C10orf105: variants seen among roughly 807,000 people sequenced by gnomAD.
C10orf105 encodes the protein uncharacterized protein C10orf105.
A neutral mutation model predicts 0.6 loss-of-function variants in C10orf105; 2 were observed. The observed-to-expected ratio is 3.18, with a 90% CI of 1.30 to 10.01. The LOEUF is 10.01. Ranked by LOEUF, C10orf105 falls within the 30% of genes most tolerant of loss-of-function variation. The probability of loss-of-function intolerance (pLI) is 0.04; values close to 1 mark genes in which losing one functional copy is unlikely to be tolerated. For missense variants in C10orf105, 209 were observed against 191.4 expected (o/e 1.09, Z -0.54); for synonymous variants, 95 against 82.4 (o/e 1.15, Z -0.83).
chr10:71,716,624 A>G, intron 1 of C10orf105: 3 of 349,706 alleles, frequency 8.6e-6, no homozygotes, highest in Non-Finnish European at 1.6e-5. Flanking sequence ...GCCTGTCCGC[A>G]TTTTCAAATC....
chr10:71,723,805 G>C (rs922983011), upstream of C10orf105, among the ~76,000 whole-genome samples: 1 of 152,176 alleles, frequency 6.6e-6, no homozygotes, highest in Non-Finnish European at 1.5e-5. Flanking sequence ...ACCTGGAGGA[G>C]GATCGGGGCA....
Position 71,713,509 on chromosome 10 carries a change from T to G in C10orf105, c.*2427A>C. ...TGGGAGGGACAGAAGCGTGGGAGGC[T>G]GGCAATGCTCCCCTCCCTGCATCGG... is the stretch of plus-strand genomic sequence containing the variant. On this transcript the variant is annotated 3_prime_UTR_variant, in exon 2 of 2. Transcript: ENST00000441508. The G allele has an allele frequency of 1.8e-6, 1 of 540,964 alleles. No homozygotes were observed. The highest frequency in any genetic ancestry group is 3.3e-6 in the Non-Finnish European group (1 of 302,692). 33.5% of individuals were successfully genotyped at this position (540,964 alleles called of 1,614,324 possible). A position where few individuals can be genotyped will look rare whatever the true frequency, so the allele number is the denominator to read the frequency against.
At chr10:71,728,698 A>G (rs1866922532) in intron 1 of C10orf105, among the ~76,000 whole-genome samples, 3 of 151,972 alleles carry the variant, frequency 2.0e-5, no homozygotes, top group Admixed American at 1.3e-4. Flanking sequence ...GCAAGTTCCT[A>G]CCGGCCCCAG....
At chr10:71,728,954 C>G (rs1172608665) in intron 1 of C10orf105, among the ~76,000 whole-genome samples, 1 of 152,160 alleles carries the variant, frequency 6.6e-6, no homozygotes, top group Admixed American at 6.5e-5. Context: ...CCTCCGCCTC[C>G]CTAGTAGCTG....
At chr10:71,718,365 C>A (rs896264889) in intron 1 of C10orf105, among the ~76,000 whole-genome samples, 7 of 138,380 alleles carry the variant, frequency 5.1e-5, no homozygotes, top group African/African-American at 1.8e-4. Flanking sequence ...CCCACCCATT[C>A]CCCACCACCA....
Position 71,715,062 on chromosome 10 carries a change from G to A in C10orf105, c.*874C>T, listed in dbSNP as rs1355834428. 1.3e-5 allele frequency: 2 copies of A among 152,266 alleles called. No individual in the cohort carries two copies. 9.4% of individuals were successfully genotyped at this position (152,266 alleles called of 1,614,324 possible). On this transcript the variant is annotated 3_prime_UTR_variant, in exon 2 of 2. Transcript: ENST00000441508. ...GGGACCCCACAGCTGTCCTGGAGAG[G>A]TCCAGACCATCCCACCCTCGGGGAG...
At chr10:71,732,035 A>C in intron 1 of C10orf105, 1 of 1,613,998 alleles carries the variant, frequency 6.2e-7, no homozygotes, top group African/African-American at 1.3e-5. Flanking sequence ...GCAGAGGGGA[A>C]GTTTGAGATT....
At position 71,712,968 on chromosome 10, in the gene C10orf105, A is replaced by C. The variant is rs1866043530; in HGVS notation, c.*2968T>G. 1.1e-6 allele frequency: 1 copy of C among 902,662 alleles called. No individual in the cohort carries two copies. Among genetic ancestry groups the C allele is most frequent in the East Asian group, 2.6e-5 (1 of 38,002 alleles). The allele number at this position is 902,662 out of a possible 1,614,324, so 55.9% of individuals were successfully genotyped here. On this transcript the variant is annotated 3_prime_UTR_variant, in exon 2 of 2. Transcript: ENST00000441508. ...TGGAAGGTGCTGTGGGGAAAGGGGG[A>C]CCCAGGCCCTCTCCCATCCCAGGGA... is the stretch of plus-strand genomic sequence containing the variant.
chr10:71,729,423 C>T (rs1014342131), intron 1 of C10orf105, among the ~76,000 whole-genome samples: 1 of 152,210 alleles, frequency 6.6e-6, no homozygotes, highest in Non-Finnish European at 1.5e-5. Context: ...CCAGGGAGCC[C>T]TAAAGCGTCC....
At chr10:71,733,469 C>T (rs530149737) in intron 1 of C10orf105, among the ~76,000 whole-genome samples, 3 of 152,282 alleles carry the variant, frequency 2.0e-5, no homozygotes, top group Admixed American at 6.5e-5. Flanking sequence ...CTGGCTTGGT[C>T]TTTCTGGTGA....
chr10:71,712,859 C>T lies in C10orf105; in HGVS notation c.*3077G>A, dbSNP rs759437235. ...GGGGCAGGTGGTGGGCTGGGGGAGG[C>T]GGAGCCACACACGGCCCTGAGGGCA... On this transcript the variant is annotated 3_prime_UTR_variant, in exon 2 of 2. Transcript: ENST00000441508. The T allele has an allele frequency of 2.3e-5, 36 of 1,591,630 alleles. No homozygotes were observed. The highest frequency in any genetic ancestry group is 5.3e-5 in the Admixed American group (3 of 56,682).
chr10:71,716,205 T>C lies in C10orf105; in HGVS notation c.133A>G (p.Ile45Val). Reference sequence around the variant, plus strand: ...AGACAGGTGGCCAGCAGGAGGAAGATGCAGGCCAGGGCGATGAGCATGGGG... The same window carrying C: ...AGACAGGTGGCCAGCAGGAGGAAGACGCAGGCCAGGGCGATGAGCATGGGG... ...PLPMLIALAC[I>V]FLLLATCLLF... Residue 45 changes from isoleucine (I) to valine (V), a missense_variant, in exon 2 of 2, where the codon ATC (isoleucine) becomes GTC (valine). Coordinates refer to ENST00000441508, the MANE Select transcript of C10orf105 (RefSeq NM_001164375.3). 4 of 1,551,104 alleles carry C rather than the reference T, an allele frequency of 2.6e-6. No homozygotes were observed. The highest frequency in any genetic ancestry group is 3.5e-6 in the Non-Finnish European group (4 of 1,146,794).
intron 1 of C10orf105, among the ~76,000 whole-genome samples, chr10:71,733,345 A>G (rs1343457987): frequency 6.6e-6 from 1 of 152,224 alleles, no homozygotes; most frequent in Admixed American, 6.5e-5. Context: ...AGGGATGTCT[A>G]TGGAGGCTTC....
At chr10:71,724,618 C>T (rs117587776), upstream of C10orf105, among the ~76,000 whole-genome samples, 28 of 152,268 alleles carry the variant, frequency 1.8e-4, 2 homozygotes, top group East Asian at 5.4e-3. Context: ...TTTTGATTGC[C>T]GTGTTCCTGA....
At chr10:71,731,868 G>A (rs1696961746) in intron 1 of C10orf105, 3 of 1,005,328 alleles carry the variant, frequency 3.0e-6, no homozygotes, top group Non-Finnish European at 2.9e-6. Flanking sequence ...GCCGGCAGAG[G>A]TGGGGCAGCC....
At chr10:71,735,160 G>A (rs1011137271) in intron 1 of C10orf105, among the ~76,000 whole-genome samples, 1 of 152,204 alleles carries the variant, frequency 6.6e-6, no homozygotes, top group African/African-American at 2.4e-5. Context: ...TGCCTCAGCT[G>A]CTGCATCCAT....
At position 71,732,254 on chromosome 10, in the gene C10orf105, T is replaced by C. The variant is rs370383552; in HGVS notation, c.-6+5474A>G. The stretch of plus-strand genomic sequence containing the variant: ...GCTGCCATCCTGGAGAATCTGGCAC[T>C]GGGTACTGAGATTGTGCGGGTCCAG... On this transcript the variant is annotated intron_variant, in intron 1 of 1. Transcript: ENST00000398786. The C allele has an allele frequency of 5.0e-6, 8 of 1,613,796 alleles. No individual in the cohort carries two copies. Among genetic ancestry groups the C allele is most frequent in the South Asian group, 3.3e-5 (3 of 91,048 alleles).
At chr10:71,724,732 T>C (rs1021420819), upstream of C10orf105, among the ~76,000 whole-genome samples, 2 of 152,206 alleles carry the variant, frequency 1.3e-5, no homozygotes, top group African/African-American at 4.8e-5. Context: ...CTGGGTCTCA[T>C]TGGTCCAATC....
At chr10:71,727,921 T>C (rs749762373) in intron 1 of C10orf105, among the ~76,000 whole-genome samples, 19 of 152,170 alleles carry the variant, frequency 1.2e-4, no homozygotes, top group Non-Finnish European at 2.6e-4. Context: ...TGCCTCCTCC[T>C]GTCTCTGCTG....
Sources: gnomAD v4.1 joint callset for allele counts (sites outside exome capture counted in the v4.1 genomes callset) on GRCh38, gnomAD v4.1.1 for gene constraint, MANE v1.5 for transcripts, NCBI Gene and HGNC (gene_info 2026-07-23, HGNC 2026-07-21) for gene names.